The following TMEM178A variants were observed in gnomAD, a reference collection of about 807,000 sequenced individuals.
TMEM178A encodes the protein transmembrane protein 178A.
TMEM178A carries 12 observed loss-of-function variants against 29.1 expected under a neutral mutation model. The observed-to-expected ratio is 0.41, with a 90% CI of 0.26 to 0.67. The LOEUF (loss-of-function observed/expected upper bound fraction) is 0.67. Among genes scored for constraint, TMEM178A ranks in the 30% least tolerant of loss-of-function variants. The pLI is 0.29. For missense variants in TMEM178A, 366 were observed against 419.1 expected, an observed-to-expected ratio of 0.87 and a Z score of 1.11; for synonymous variants, 210 against 187.2, an observed-to-expected ratio of 1.12 and a Z score of -0.99.
rs967291876 is a variant in TMEM178A, at chr2:39,666,384, G to A, written c.400+10G>A. 7.4e-6 allele frequency: 10 copies of A among 1,353,272 alleles called. No homozygotes were observed. The African/African-American group carries it at 1.4e-4, about 18-fold the overall frequency. 83.8% of individuals were successfully genotyped at this position (1,353,272 alleles called of 1,614,324 possible). On this transcript the variant is annotated intron_variant, in intron 1 of 3. Coordinates refer to ENST00000281961, the MANE Select transcript of TMEM178A (RefSeq NM_152390.3). ...ACCCTCATCCTGAAAGGTGAGCGGC[G>A]GGCGCACCCCGCGTCCCCGGCGCCC...
intron 1 of TMEM178A, among the ~76,000 whole-genome samples, chr2:39,667,712 C>T (rs999734172): frequency 6.6e-6 from 1 of 152,222 alleles, no homozygotes; most frequent in African/African-American, 2.4e-5. Flanking sequence ...TGGGGACTGC[C>T]ATCCAAAATC....
chr2:39,668,484 C>T (rs1572641382), intron 1 of TMEM178A, among the ~76,000 whole-genome samples: 2 of 152,304 alleles, frequency 1.3e-5, no homozygotes, highest in South Asian at 4.1e-4. Flanking sequence ...GCAGTGTGTT[C>T]TCCAAGTATC....
chr2:39,697,191 C>G (rs1671581039), intron 1 of TMEM178A, among the ~76,000 whole-genome samples: 1 of 152,130 alleles, frequency 6.6e-6, no homozygotes, highest in African/African-American at 2.4e-5. Context: ...TCAGAAAGAC[C>G]TAATTTGTCT....
downstream of TMEM178A, among the ~76,000 whole-genome samples, chr2:39,720,639 G>T (rs1249590837): frequency 6.6e-6 from 1 of 152,216 alleles, no homozygotes; most frequent in Non-Finnish European, 1.5e-5. Context: ...TTTCAAGGAG[G>T]AATCTGTGCC....
chr2:39,670,492 G>T (rs748735779), intron 1 of TMEM178A, among the ~76,000 whole-genome samples: 7 of 152,218 alleles, frequency 4.6e-5, no homozygotes, highest in Non-Finnish European at 7.3e-5. Context: ...CAGGGTAGGA[G>T]AATACTTTGG....
chr2:39,733,569 A>C, the TMEM178A span, among the ~76,000 whole-genome samples: 1 of 152,130 alleles, frequency 6.6e-6, no homozygotes, highest in Admixed American at 6.5e-5. Context: ...TATCAAGGTG[A>C]CATTGCCCTT....
At chr2:39,672,416 A>G (rs1025730523) in intron 1 of TMEM178A, among the ~76,000 whole-genome samples, 1 of 152,190 alleles carries the variant, frequency 6.6e-6, no homozygotes, top group Non-Finnish European at 1.5e-5. Flanking sequence ...ATTATACCCG[A>G]GTTGCTGTGC....
chr2:39,734,981 C>T, the TMEM178A span, among the ~76,000 whole-genome samples: 5 of 152,322 alleles, frequency 3.3e-5, no homozygotes. Context: ...TTGCCTGAAT[C>T]ATTGCAAAAA....
At chr2:39,682,852 A>C (rs561192655) in intron 1 of TMEM178A, among the ~76,000 whole-genome samples, 2 of 152,228 alleles carry the variant, frequency 1.3e-5, no homozygotes, top group Non-Finnish European at 2.9e-5. Flanking sequence ...AGGGTCTGTG[A>C]AAGTGTCCAG....
At chr2:39,698,562 A>T (rs868240143) in intron 1 of TMEM178A, among the ~76,000 whole-genome samples, 4 of 152,186 alleles carry the variant, frequency 2.6e-5, no homozygotes, top group Non-Finnish European at 5.9e-5. Context: ...CAGTTTGCTA[A>T]TATTTTGCTG....
rs544027078 is a variant in TMEM178A, at chr2:39,676,618, CCTGGGG to C, written c.400+10249_400+10254del. On this transcript the variant is annotated intron_variant, in intron 1 of 3. Transcript: ENST00000281961. ...TTTCTTAGACCAATCAAGCTTCAGC[CCTGGGG>C]CTGGAGAAAGGGCCCAGGCTCCCCA... 8.5e-5 allele frequency among the ~76,000 whole-genome samples: 13 copies of C among 152,314 alleles called. No individual in the cohort carries two copies. The South Asian group carries it at 2.7e-3, about 32-fold the overall frequency.
At chr2:39,704,907 C>T (rs914202132) in intron 2 of TMEM178A, among the ~76,000 whole-genome samples, 2 of 152,186 alleles carry the variant, frequency 1.3e-5, no homozygotes, top group Non-Finnish European at 2.9e-5. Flanking sequence ...TGTTTGGTGG[C>T]CAAAGCCACT....
chr2:39,728,095 G>A, the TMEM178A span, among the ~76,000 whole-genome samples: 1 of 152,146 alleles, frequency 6.6e-6, no homozygotes, highest in Non-Finnish European at 1.5e-5. Context: ...GGATTGCTGG[G>A]TCAAATGGTA....
chr2:39,727,660 G>T, the TMEM178A span, among the ~76,000 whole-genome samples: 1 of 152,100 alleles, frequency 6.6e-6, no homozygotes, highest in South Asian at 2.1e-4. Flanking sequence ...TTGGTTTGCT[G>T]CACCCATCAA....
At chr2:39,670,318 C>T (rs1014859586) in intron 1 of TMEM178A, among the ~76,000 whole-genome samples, 1 of 152,218 alleles carries the variant, frequency 6.6e-6, no homozygotes, top group Non-Finnish European at 1.5e-5. Flanking sequence ...CATTTATTCA[C>T]TCAACAAATA....
chr2:39,720,493 T>G (rs1014227620), downstream of TMEM178A, among the ~76,000 whole-genome samples: 4 of 152,192 alleles, frequency 2.6e-5, no homozygotes, highest in Non-Finnish European at 5.9e-5. Context: ...TTATTCTGAC[T>G]TTTCCTTGTG....
Position 39,666,275 on chromosome 2 carries a change from G to A in TMEM178A, c.301G>A (p.Ala101Thr). 7.2e-7 allele frequency: 1 copy of A among 1,393,662 alleles called. No individual in the cohort carries two copies. The highest frequency in any genetic ancestry group is 1.6e-5 in the South Asian group (1 of 63,708). 86.3% of individuals were successfully genotyped at this position (1,393,662 alleles called of 1,614,324 possible). The change falls in exon 1 of 4, where the codon GCC becomes ACC. Residue 101 changes from alanine (A) to threonine (T), a missense_variant. Coordinates refer to ENST00000281961, the MANE Select transcript of TMEM178A (RefSeq NM_152390.3). ...GCTCCTGGGGCTCGGCGGGCTGGAC[G>A]CCGAGTGCGGCCGGCCCCTCTTCGC... ...RSLLGLGGLDAECGRPLFATY... is the reference protein window; with the variant it reads ...RSLLGLGGLDTECGRPLFATY...
At chr2:39,713,374 G>C (rs934174914) in intron 3 of TMEM178A, among the ~76,000 whole-genome samples, 5 of 152,162 alleles carry the variant, frequency 3.3e-5, no homozygotes, top group Non-Finnish European at 7.4e-5. Flanking sequence ...ATACTCACAT[G>C]TGTGTGGAAT....
chr2:39,687,817 T>C (rs1356600605), intron 1 of TMEM178A, among the ~76,000 whole-genome samples: 3 of 152,216 alleles, frequency 2.0e-5, no homozygotes, highest in African/African-American at 7.2e-5. Context: ...CTTGAAAGGG[T>C]TAACTGGGCA....
Sources: gnomAD v4.1 joint callset for allele counts (sites outside exome capture counted in the v4.1 genomes callset) on GRCh38, gnomAD v4.1.1 for gene constraint, MANE v1.5 for transcripts, NCBI Gene and HGNC (gene_info 2026-07-23, HGNC 2026-07-21) for gene names.